Variants in BICC1 observed in about 807,000 individuals in gnomAD.
The protein encoded by BICC1 is protein bicaudal C homolog 1.
Under a neutral mutation model 111.0 loss-of-function variants are expected in BICC1, and 43 were observed. The ratio of observed to expected loss-of-function variants is 0.39; its 90% CI spans 0.30 to 0.50. The LOEUF (loss-of-function observed/expected upper bound fraction) is 0.50. BICC1 is among the 20% of genes least tolerant of loss of function. The pLI, the probability that BICC1 is intolerant of heterozygous loss-of-function variation, is 0.88. For missense variants in BICC1, 1,091 were observed against 1,203.2 expected (o/e 0.91, Z 1.38); for synonymous variants, 467 against 434.4 (o/e 1.07, Z -0.93).
chr10:58,785,557 G>GTCTC (rs145993132), intron 4 of BICC1, among the ~76,000 whole-genome samples: 4 of 149,666 alleles, frequency 2.7e-5, no homozygotes, highest in African/African-American at 4.9e-5. Context: ...ATCACGTGAT[G>GTCTC]TCTCTCTCTC....
At chr10:58,739,859 A>T (rs2132598011) in intron 3 of BICC1, among the ~76,000 whole-genome samples, 1 of 152,320 alleles carries the variant, frequency 6.6e-6, no homozygotes, top group Non-Finnish European at 1.5e-5. Context: ...AATGGCTTAT[A>T]TCTCCACTGG....
At chr10:58,773,033 G>A (rs779536941) in intron 3 of BICC1, among the ~76,000 whole-genome samples, 13 of 152,128 alleles carry the variant, frequency 8.5e-5, no homozygotes, top group Non-Finnish European at 1.6e-4. Context: ...AGTAATAAGC[G>A]TGATTATATG....
intron 3 of BICC1, among the ~76,000 whole-genome samples, chr10:58,733,091 G>A (rs1841366567): frequency 6.6e-6 from 1 of 151,884 alleles, no homozygotes; most frequent in African/African-American, 2.4e-5. Flanking sequence ...ACAATAAAAT[G>A]AGGTATGCTT....
chr10:58,567,287 T>C (rs1649045), intron 1 of BICC1, among the ~76,000 whole-genome samples: 71,273 of 151,944 alleles, frequency 0.47, 17,562 homozygotes, highest in Admixed American at 0.63. Flanking sequence ...GGTTTTAGTG[T>C]ACATGTCATT....
At chr10:58,730,777 T>C (rs1841264707) in intron 3 of BICC1, among the ~76,000 whole-genome samples, 1 of 152,104 alleles carries the variant, frequency 6.6e-6, no homozygotes, top group Admixed American at 6.5e-5. Context: ...CTTTGCTCTT[T>C]TGAGTCAGGG....
At chr10:58,647,688 G>T (rs1838310544) in intron 2 of BICC1, among the ~76,000 whole-genome samples, 1 of 151,866 alleles carries the variant, frequency 6.6e-6, no homozygotes, top group Admixed American at 6.6e-5. Flanking sequence ...GCTGCTCATA[G>T]CTACTTTTCA....
chr10:58,800,380 G>A (rs1843505518), intron 13 of BICC1, 54 bp downstream of exon 13: 1 of 1,580,372 alleles, frequency 6.3e-7, no homozygotes, highest in Non-Finnish European at 8.6e-7. Flanking sequence ...GGAAAAAGGA[G>A]GTTGTAGAGA....
intron 1 of BICC1, among the ~76,000 whole-genome samples, chr10:58,551,055 A>G: frequency 6.6e-6 from 1 of 152,192 alleles, no homozygotes; most frequent in East Asian, 1.9e-4. Context: ...TAGTAAATAC[A>G]ACCTCTTTCT....
chr10:58,528,425 T>C (rs1842600819), intron 1 of BICC1, among the ~76,000 whole-genome samples: 1 of 151,930 alleles, frequency 6.6e-6, no homozygotes, highest in East Asian at 1.9e-4. Flanking sequence ...TAAATCGAAA[T>C]TTGTCAAGGT....
At chr10:58,628,995 C>CA (rs1443148222) in intron 2 of BICC1, among the ~76,000 whole-genome samples, 2 of 152,146 alleles carry the variant, frequency 1.3e-5, no homozygotes, top group Non-Finnish European at 2.9e-5. Context: ...GGTGGCTAGA[C>CA]TGTGAAAGTG....
chr10:58,679,455 G>A (rs4948538), intron 2 of BICC1, among the ~76,000 whole-genome samples: 146,679 of 152,248 alleles, frequency 0.96, 70,915 homozygotes, highest in Middle Eastern at 1. Context: ...ATAAATTCCT[G>A]GACACATACA....
chr10:58,627,562 C>T (rs559803840), intron 2 of BICC1, among the ~76,000 whole-genome samples: 1 of 152,026 alleles, frequency 6.6e-6, no homozygotes, highest in African/African-American at 2.4e-5. Context: ...TAAAAATTAC[C>T]CTAACTGATA....
chr10:58,793,363 A>G (rs1843239736), intron 8 of BICC1, 121 bp from the exon 9 acceptor site: 1 of 940,530 alleles, frequency 1.1e-6, no homozygotes. Context: ...ATTCAGCTTT[A>G]ATACTTCAGT....
At chr10:58,566,060 T>C (rs1477229232) in intron 1 of BICC1, among the ~76,000 whole-genome samples, 1 of 152,158 alleles carries the variant, frequency 6.6e-6, no homozygotes, top group African/African-American at 2.4e-5. Context: ...CTGAGTTACT[T>C]CACTTAGAAT....
chr10:58,828,671 C>G, intron 20 of BICC1, 90 bp from the exon 21 acceptor site: 2 of 1,386,692 alleles, frequency 1.4e-6, no homozygotes, highest in Non-Finnish European at 1.9e-6. Flanking sequence ...AAACCTACCA[C>G]GTCACCATTT....
At chr10:58,823,824 C>A (rs61861308) in intron 20 of BICC1, 1 of 984,602 alleles carries the variant, frequency 1.0e-6, no homozygotes, top group South Asian at 4.7e-5. Context: ...TTATTCTTAA[C>A]GCTTCTATAA....
chr10:58,804,746 T>C (rs1843657916), intron 15 of BICC1, among the ~76,000 whole-genome samples: 1 of 152,158 alleles, frequency 6.6e-6, no homozygotes, highest in Non-Finnish European at 1.5e-5. Flanking sequence ...TTCTTAATGT[T>C]TGAGTTTCAG....
intron 3 of BICC1, among the ~76,000 whole-genome samples, chr10:58,775,178 G>A (rs1842716601): frequency 6.6e-6 from 1 of 152,062 alleles, no homozygotes; most frequent in African/African-American, 2.4e-5. Context: ...TTCGAGACCA[G>A]CCTGGCCAAC....
At chr10:58,526,240 C>G (rs1020011739) in intron 1 of BICC1, among the ~76,000 whole-genome samples, 1 of 151,766 alleles carries the variant, frequency 6.6e-6, no homozygotes, top group African/African-American at 2.4e-5. Flanking sequence ...ATTTGGAGCC[C>G]TGATTTCTTT....
Sources: gnomAD v4.1 joint callset for allele counts (sites outside exome capture counted in the v4.1 genomes callset) on GRCh38, gnomAD v4.1.1 for gene constraint, MANE v1.5 for transcripts, NCBI Gene and HGNC (gene_info 2026-07-23, HGNC 2026-07-21) for gene names.